KCTD9: variants seen among roughly 807,000 people sequenced by gnomAD.
The protein encoded by KCTD9 is potassium channel tetramerization domain containing 9.
A neutral mutation model predicts 53.3 loss-of-function variants in KCTD9; 17 were observed. The observed-to-expected ratio is 0.32, with a 90% CI of 0.22 to 0.48. The LOEUF (loss-of-function observed/expected upper bound fraction) is 0.48. Among genes scored for constraint, KCTD9 ranks in the 20% least tolerant of loss-of-function variants. KCTD9 has a pLI of 0.99. For synonymous variants in KCTD9, 128 were observed against 162.7 expected (o/e 0.79, Z 1.62); for missense variants, 179 against 465.5 (o/e 0.38, Z 5.66).
At chr8:25,433,508 A>C in intron 9 of KCTD9, 73 bp from the exon 10 acceptor site, 1 of 657,576 alleles carries the variant, frequency 1.5e-6, no homozygotes, top group South Asian at 2.9e-5. Flanking sequence ...CAGTAAAAGA[A>C]AAAAAATAGA....
intron 1 of KCTD9, among the ~76,000 whole-genome samples, chr8:25,454,951 C>T (rs1461295829): frequency 6.6e-6 from 1 of 152,130 alleles, no homozygotes. Context: ...ATAAGCCGGG[C>T]ATGGTGGCTC....
At chr8:25,430,077 A>G in intron 11 of KCTD9, 104 bp from the exon 12 acceptor site, 1 of 722,040 alleles carries the variant, frequency 1.4e-6, no homozygotes, top group South Asian at 1.6e-5. Context: ...ATGTTCTTAT[A>G]CAATAAAACT....
chr8:25,429,031 T>G lies in KCTD9; in HGVS notation c.*826A>C, dbSNP rs1012971844. 2.0e-5 allele frequency: 3 copies of G among 152,226 alleles called. No individual in the cohort carries two copies. The highest frequency in any genetic ancestry group is 7.2e-5 in the African/African-American group (3 of 41,464). 9.4% of individuals were successfully genotyped at this position (152,226 alleles called of 1,614,324 possible). A position where few individuals can be genotyped will look rare whatever the true frequency, so the allele number is the denominator to read the frequency against. ...GCTTGTGATGACTGTATGAGAAAAC[T>G]AGGCTAATAGTGTAAATAGATAGAA... is the stretch of plus-strand genomic sequence containing the variant. On this transcript the variant is annotated 3_prime_UTR_variant, in exon 12 of 12. Coordinates refer to ENST00000221200, the MANE Select transcript of KCTD9 (RefSeq NM_017634.4).
intron 1 of KCTD9, among the ~76,000 whole-genome samples, chr8:25,456,583 T>C (rs530982073): frequency 4.6e-5 from 7 of 152,304 alleles, no homozygotes; most frequent in Admixed American, 2.6e-4. Flanking sequence ...AACATATTTA[T>C]ATTTAATTAT....
At chr8:25,453,986 C>G (rs989323531) in intron 1 of KCTD9, among the ~76,000 whole-genome samples, 5 of 152,218 alleles carry the variant, frequency 3.3e-5, no homozygotes, top group African/African-American at 1.2e-4. Context: ...CTTTCTCCAA[C>G]TCTAACAACG....
chr8:25,440,409 T>C (rs1802100159), intron 4 of KCTD9, 168 bp downstream of exon 4: 3 of 574,714 alleles, frequency 5.2e-6, no homozygotes, highest in Admixed American at 2.9e-5. Context: ...TTCTCTGGAG[T>C]GAACCATGTT....
chr8:25,436,314 T>C lies in KCTD9; in HGVS notation c.584A>G (p.Glu195Gly). Residue 195 changes from glutamate (E) to glycine (G), a missense_variant, in exon 8 of 12, where the codon GAG becomes GGG. Physicochemically the swap from Glu to Gly is moderately conservative, Grantham distance 98 (BLOSUM62 -2). Coordinates refer to ENST00000221200, the MANE Select transcript of KCTD9 (RefSeq NM_017634.4). The stretch of plus-strand genomic sequence containing the variant: ...CTTTCGGGATATTGGTGAATGATCC[T>C]CCGGTGGTTGAGAATTCTTAAAAAA... ...EVAIKNSQPPEDHSPISRKEF... is the reference protein window; with the variant it reads ...EVAIKNSQPPGDHSPISRKEF... 1 of 1,612,656 alleles carries C rather than the reference T, an allele frequency of 6.2e-7. No individual in the cohort carries two copies. The highest frequency in any genetic ancestry group is 8.5e-7 in the Non-Finnish European group (1 of 1,179,336).
intron 4 of KCTD9, among the ~76,000 whole-genome samples, chr8:25,440,168 C>T (rs973094790): frequency 1.3e-5 from 2 of 150,502 alleles, no homozygotes; most frequent in African/African-American, 4.9e-5. Context: ...ACGCCATTCT[C>T]CTGCCTCAGC....
chr8:25,430,115 C>T (rs1012541832), intron 11 of KCTD9, 142 bp from the exon 12 acceptor site: 4 of 640,962 alleles, frequency 6.2e-6, no homozygotes, highest in Non-Finnish European at 1.2e-5. Flanking sequence ...ACTGATGATA[C>T]ACCACCCTAA....
chr8:25,432,112 A>G (rs1305863552), intron 11 of KCTD9, among the ~76,000 whole-genome samples: 3 of 152,214 alleles, frequency 2.0e-5, no homozygotes, highest in Admixed American at 2.0e-4. Flanking sequence ...TAATTCTTTG[A>G]AAAAGATGAC....
intron 1 of KCTD9, among the ~76,000 whole-genome samples, chr8:25,455,231 T>C (rs1255197210): frequency 1.3e-5 from 2 of 150,756 alleles, no homozygotes; most frequent in Non-Finnish European, 3.0e-5. Flanking sequence ...TCTCAAAAAA[T>C]AATAATAATA....
intron 11 of KCTD9, among the ~76,000 whole-genome samples, chr8:25,431,004 T>C (rs1190646806): frequency 6.6e-6 from 1 of 152,074 alleles, no homozygotes. Flanking sequence ...TAATTTTTTC[T>C]ATTTTTAGTA....
At chr8:25,444,847 C>A (rs1802187988) in intron 2 of KCTD9, among the ~76,000 whole-genome samples, 1 of 152,146 alleles carries the variant, frequency 6.6e-6, no homozygotes, top group Admixed American at 6.5e-5. Flanking sequence ...ACCCAGAGTT[C>A]TGGACAATCA....
intron 1 of KCTD9, among the ~76,000 whole-genome samples, chr8:25,447,893 G>A (rs531617932): frequency 6.6e-6 from 1 of 152,302 alleles, no homozygotes; most frequent in African/African-American, 2.4e-5. Flanking sequence ...TTGAGAGGCT[G>A]TGGCAGGTGG....
rs1801894863 is a variant in KCTD9 at position 25,429,788 on chromosome 8, G to A, written c.*69C>T. ...TGTTATTTCTTCTAGACAACTGAGT[G>A]GGTGGAGAAAGAAAAGTGATAAGGA... On this transcript the variant is annotated 3_prime_UTR_variant, in exon 12 of 12. Transcript: ENST00000221200. 6.4e-6 allele frequency: 5 copies of A among 785,050 alleles called. No individual in the cohort carries two copies. The highest frequency in any genetic ancestry group is 1.1e-5 in the Non-Finnish European group (5 of 437,670). The allele number at this position is 785,050 out of a possible 1,614,324, so 48.6% of individuals were successfully genotyped here.
chr8:25,457,830 A>T (rs995769033), intron 1 of KCTD9: 11 of 170,142 alleles, frequency 6.5e-5, no homozygotes, highest in African/African-American at 2.4e-5. Context: ...CTCCTCCCGC[A>T]GGCGGGAGCG....
chr8:25,437,847 C>CAAAAAAAAAAAAAAAAAAAAAAAAAAAAA (rs59540797), intron 6 of KCTD9, among the ~76,000 whole-genome samples: 1 of 62,544 alleles, frequency 1.6e-5, no homozygotes, highest in African/African-American at 7.1e-5. Flanking sequence ...GACCCTGTCT[C>CAAAAAAAAAAAAAAAAAAAAAAAAAAAAA]AAAAAAAAAA....
At chr8:25,447,534 A>G (rs1802236899) in intron 1 of KCTD9, among the ~76,000 whole-genome samples, 1 of 152,234 alleles carries the variant, frequency 6.6e-6, no homozygotes, top group South Asian at 2.1e-4. Flanking sequence ...ACTGGAATAG[A>G]GTGGACAGTT....
chr8:25,430,372 T>C (rs1279017823), intron 11 of KCTD9, among the ~76,000 whole-genome samples: 1 of 152,164 alleles, frequency 6.6e-6, no homozygotes, highest in Non-Finnish European at 1.5e-5. Flanking sequence ...AGCCAGTCCC[T>C]GTATGGCTCA....
Sources: allele counts gnomAD v4.1 joint callset (sites outside exome capture counted in the v4.1 genomes callset), GRCh38; gene constraint gnomAD v4.1.1; transcripts MANE v1.5; gene names NCBI Gene and HGNC (gene_info 2026-07-23, HGNC 2026-07-21).